The following TRPM5 variants were observed in gnomAD, a reference collection of about 807,000 sequenced individuals.
TRPM5 encodes the protein MLSN1 and TRP-related.
In TRPM5, 121 loss-of-function variants were observed where a neutral mutation model predicts 124.9. The observed-to-expected ratio is 0.97, with a 90% CI of 0.84 to 1.13. The LOEUF is 1.13. TRPM5 is among the 50% of genes most tolerant of loss of function. TRPM5 has a pLI of 0.00. For synonymous variants in TRPM5, 781 were observed against 700.5 expected (o/e 1.11, Z -1.81); for missense variants, 1,643 against 1,589.1 (o/e 1.03, Z -0.58).
chr11:2,421,089 A>G, exon 3 of TRPM5: 1 of 1,549,898 alleles, frequency 6.5e-7, no homozygotes, highest in Non-Finnish European at 8.7e-7. Flanking sequence ...CCATGCCGAC[A>G]GCAACCACAC....
upstream of TRPM5, among the ~76,000 whole-genome samples, chr11:2,426,625 T>C (rs4930105): frequency 0.3 from 44,901 of 151,858 alleles, 6,785 homozygotes; most frequent in Admixed American, 0.35. Flanking sequence ...CTTCCTGGGC[T>C]CCCCAAGACC....
intron 7 of TRPM5, among the ~76,000 whole-genome samples, 186 bp from the exon 13 acceptor site, chr11:2,416,210 G>A (rs551893748): frequency 2.0e-5 from 3 of 152,354 alleles, no homozygotes; most frequent in African/African-American, 7.2e-5. Context: ...CAAACCGCAG[G>A]AGAAAGCGTG....
the TRPM5 span, among the ~76,000 whole-genome samples, chr11:2,430,877 G>T: frequency 1.2e-4 from 18 of 149,762 alleles, no homozygotes; most frequent in Admixed American, 2.9e-4. Flanking sequence ...TGGTGGTGGT[G>T]GTTTTGGTGA....
At chr11:2,405,172 C>T (rs1465730979) in intron 23 of TRPM5, 129 bp from the exon 29 acceptor site, 1 of 734,836 alleles carries the variant, frequency 1.4e-6, no homozygotes, top group Middle Eastern at 3.9e-4. Flanking sequence ...ACAGGCCAGC[C>T]TGGGGAAGAT....
chr11:2,440,746 G>A, the TRPM5 span, among the ~76,000 whole-genome samples: 3 of 152,212 alleles, frequency 2.0e-5, no homozygotes, highest in Non-Finnish European at 4.4e-5. This position sits in a 1 kb window ranked among gnomAD's most constrained non-coding sequence, Gnocchi z 5.2. Flanking sequence ...GAGGATCTGG[G>A]GGAATGAACG....
exon 24 of TRPM5, chr11:2,404,652 G>T: frequency 2.1e-6 from 1 of 482,050 alleles, no homozygotes. Flanking sequence ...AGTGCAGGCT[G>T]GTCAGTTTCC....
At position 2,414,956 on chromosome 11, in the gene TRPM5, C is replaced by T. The variant is rs1306582566; in HGVS notation, c.1571G>A (p.Trp524Ter). 2 of 1,607,746 alleles carry T rather than the reference C, an allele frequency of 1.2e-6. No individual in the cohort carries two copies. Among genetic ancestry groups the T allele is most frequent in the Admixed American group, 1.7e-5 (1 of 59,940 alleles). Residue 524 changes from tryptophan to a stop codon, truncating the protein, a stop_gained, in exon 10 of 24, where the codon TGG becomes TAG. Transcript: ENST00000155858. LOFTEE classifies it high-confidence loss of function. ...CTCGTGGCGGTTCTGCAGCACGGCCCACAGGAACAGGTCCCGCCAGGGGTT... is the reference window on the plus strand; with the variant it reads ...CTCGTGGCGGTTCTGCAGCACGGCCTACAGGAACAGGTCCCGCCAGGGGTT...
Position 2,407,212 on chromosome 11 carries a change from C to CG in TRPM5, c.3024dup (p.Ala1009ArgfsTer25). 6.4e-7 allele frequency: 1 copy of CG among 1,563,208 alleles called. No homozygotes were observed. The stretch of plus-strand genomic sequence containing the variant: ...AGCAGGATGAAGGGCGGGGCCAGGG[C>CG]GGGGCGCTCGTGGTACTCCACAATC... On this transcript the variant is annotated frameshift_variant, in exon 20 of 24. Coordinates refer to ENST00000155858, the Ensembl canonical transcript of TRPM5. LOFTEE classifies it high-confidence loss of function.
Position 2,415,100 on chromosome 11 carries a change from C to CCCCACGGAGCCCCCGCGCAT in TRPM5, c.1479+20_1479+21insATGCGCGGGGGCTCCGTGGG. ...CTGCGGCCCCAGCCTCGCCCTCCAT[C>CCCCACGGAGCCCCCGCGCAT]CCCACGGAGCCCCCGCTCACCGCCC... On this transcript the variant is annotated intron_variant, in intron 9 of 23. Transcript: ENST00000155858. 1.9e-6 allele frequency: 3 copies of CCCCACGGAGCCCCCGCGCAT among 1,574,794 alleles called. No homozygotes were observed. The African/African-American group carries it at 4.0e-5, about 21-fold the overall frequency.
intron 11 of TRPM5, 80 bp downstream of exon 16, chr11:2,414,635 G>A (rs1850526489): frequency 9.0e-6 from 13 of 1,439,344 alleles, no homozygotes; most frequent in African/African-American, 2.9e-5. Flanking sequence ...CAGCCCTGGC[G>A]AGGCCCAGGA....
chr11:2,413,521 G>A (rs1224847969), exon 13 of TRPM5: 4 of 1,612,460 alleles, frequency 2.5e-6, no homozygotes, highest in Non-Finnish European at 3.4e-6. Context: ...GCAGAGGAAG[G>A]CTCCTAGCAG....
At chr11:2,421,274 A>G in intron 2 of TRPM5, 76 bp from the exon 8 acceptor site, 1 of 1,448,312 alleles carries the variant, frequency 6.9e-7, no homozygotes, top group African/African-American at 1.5e-5. Flanking sequence ...CCTAACCCCT[A>G]GGCCCAATCA....
chr11:2,439,073 G>A, the TRPM5 span, among the ~76,000 whole-genome samples: 4 of 152,160 alleles, frequency 2.6e-5, no homozygotes, highest in Non-Finnish European at 5.9e-5. Context: ...AATAGGAAAT[G>A]GGGAAAAGAC....
intron 12 of TRPM5, 46 bp downstream of exon 17, chr11:2,414,015 C>CCCCCCCCCCCCCCCCCA: frequency 5.3e-6 from 4 of 752,952 alleles, no homozygotes; most frequent in Admixed American, 2.4e-5. Flanking sequence ...GCTCGCCCGC[C>CCCCCCCCCCCCCCCCCA]CACCCCACCC....
rs372161507 is a variant in TRPM5 at position 2,411,334 on chromosome 11, C to T, written c.2782+18G>A. The T allele has an allele frequency of 2.6e-5, 41 of 1,557,758 alleles. No individual in the cohort carries two copies. In the South Asian group the frequency reaches 2.8e-4, roughly 11 times the overall value. On this transcript the variant is annotated intron_variant, in intron 18 of 23. Transcript: ENST00000155858. Reference sequence around the variant, plus strand: ...TCCAATTTCTCCCTGCCCCTGCCCCCGCTGGCTGTGTGCAAACCATCAATC... The same window carrying T: ...TCCAATTTCTCCCTGCCCCTGCCCCTGCTGGCTGTGTGCAAACCATCAATC...
the TRPM5 span, among the ~76,000 whole-genome samples, chr11:2,430,403 T>G: frequency 1.3e-5 from 2 of 152,192 alleles, no homozygotes; most frequent in African/African-American, 4.8e-5. Context: ...ACCTCTTTCC[T>G]CGGTAAATTA....
intron 9 of TRPM5, 37 bp from the exon 15 acceptor site, chr11:2,415,084 C>A: frequency 6.3e-7 from 1 of 1,586,256 alleles, no homozygotes; most frequent in Admixed American, 1.7e-5. Context: ...GCTGCGGCCC[C>A]AGCCTCGCCC....
chr11:2,411,923 A>G (rs530434079), intron 16 of TRPM5, among the ~76,000 whole-genome samples, 156 bp from the exon 22 acceptor site: 2 of 152,202 alleles, frequency 1.3e-5, no homozygotes, highest in South Asian at 2.1e-4. Context: ...TTTTTAAGAG[A>G]CAGGGTCTTG....
chr11:2,415,216 A>T (rs1267970402), exon 9 of TRPM5: 1 of 1,578,948 alleles, frequency 6.3e-7, no homozygotes, highest in East Asian at 2.3e-5. Context: ...TCGTGCAGGG[A>T]GAAGGCCGGT....
Sources: gnomAD v4.1 joint callset for allele counts (sites outside exome capture counted in the v4.1 genomes callset) on GRCh38, gnomAD v4.1.1 for gene constraint, Gnocchi (gnomAD v3.1) non-coding constraint, MANE v1.5 for transcripts, NCBI Gene and HGNC (gene_info 2026-07-23, HGNC 2026-07-21) for gene names.